GTF2E2: variants seen among roughly 807,000 people sequenced by gnomAD.
GTF2E2 encodes transcription initiation factor IIE subunit beta.
GTF2E2 carries 21 observed loss-of-function variants against 40.5 expected under a neutral mutation model. The observed-to-expected ratio is 0.52, with a 90% CI of 0.37 to 0.75. The LOEUF is 0.75. Among genes scored for constraint, GTF2E2 ranks in the 30% least tolerant of loss-of-function variants. The probability of loss-of-function intolerance (pLI) is 0.00; values close to 1 mark genes in which losing one functional copy is unlikely to be tolerated. For synonymous variants in GTF2E2, 117 were observed against 121.6 expected, an observed-to-expected ratio of 0.96 and a Z score of 0.25; for missense variants, 298 against 338.4, an observed-to-expected ratio of 0.88 and a Z score of 0.94.
chr8:30,600,879 A>T (rs1479296135), intron 6 of GTF2E2, among the ~76,000 whole-genome samples: 1 of 152,194 alleles, frequency 6.6e-6, no homozygotes, highest in Non-Finnish European at 1.5e-5. Flanking sequence ...TGTGTGCCTG[A>T]AGTGTGCGCA....
Position 30,647,306 on chromosome 8 carries a change from C to T in GTF2E2, c.166+6127G>A, listed in dbSNP as rs904735872. Among the ~76,000 whole-genome samples, 4 of 152,068 alleles carry T rather than the reference C, an allele frequency of 2.6e-5. No individual in the cohort carries two copies. In the South Asian group the frequency reaches 6.2e-4, roughly 24 times the overall value. On this transcript the variant is annotated intron_variant, in intron 2 of 7. Coordinates refer to ENST00000355904, the MANE Select transcript of GTF2E2 (RefSeq NM_002095.6). Reference sequence around the variant, plus strand: ...TTCAATTTAAAGAATATCGGCTGGGCGCGGTGGCTCACGCCTGCAATCCTA... The same window carrying T: ...TTCAATTTAAAGAATATCGGCTGGGTGCGGTGGCTCACGCCTGCAATCCTA...
chr8:30,607,181 G>C, intron 5 of GTF2E2, 31 bp from the exon 6 acceptor site: 1 of 810,212 alleles, frequency 1.2e-6, no homozygotes, highest in Non-Finnish European at 2.0e-6. Flanking sequence ...AGATTTTTCA[G>C]TTAACTCCAA....
chr8:30,619,365 T>C (rs1011885644), intron 3 of GTF2E2, among the ~76,000 whole-genome samples: 6 of 151,662 alleles, frequency 4.0e-5, no homozygotes, highest in Admixed American at 3.9e-4. Flanking sequence ...TTATAATCCA[T>C]TTTGATATAT....
At chr8:30,624,146 T>C (rs1354351371) in intron 3 of GTF2E2, among the ~76,000 whole-genome samples, 2 of 152,146 alleles carry the variant, frequency 1.3e-5, no homozygotes, top group African/African-American at 4.8e-5. Context: ...TGGTTTTTGG[T>C]CTAACATTTA....
intron 2 of GTF2E2, among the ~76,000 whole-genome samples, chr8:30,652,002 G>C (rs951024078): frequency 2.0e-5 from 3 of 152,064 alleles, no homozygotes; most frequent in Non-Finnish European, 2.9e-5. Flanking sequence ...ATGATGCTGG[G>C]ACAACTTCAT....
At chr8:30,653,356 T>C in intron 2 of GTF2E2, 77 bp downstream of exon 2, 1 of 1,082,318 alleles carries the variant, frequency 9.2e-7, no homozygotes, top group Non-Finnish European at 1.4e-6. Context: ...AACTGAAAAA[T>C]GAACTAGCCA....
chr8:30,647,629 A>G (rs1471159794), intron 2 of GTF2E2, among the ~76,000 whole-genome samples: 3 of 152,206 alleles, frequency 2.0e-5, no homozygotes, highest in African/African-American at 4.8e-5. Context: ...ACTCTTCCAC[A>G]AAGTATTTTT....
Position 30,580,405 on chromosome 8 carries a change from A to G in GTF2E2, c.644-9T>C, listed in dbSNP as rs1828484597. On this transcript the variant is annotated splice_polypyrimidine_tract_variant and intron_variant, in intron 6 of 7. Coordinates refer to ENST00000355904, the MANE Select transcript of GTF2E2 (RefSeq NM_002095.6). Reference sequence around the variant, plus strand: ...CCACAGTTTCTGAAATTCTGTATCAAACAGACACTAGTTATTTTACAATCC... The same window carrying G: ...CCACAGTTTCTGAAATTCTGTATCAGACAGACACTAGTTATTTTACAATCC... 7.5e-7 allele frequency: 1 copy of G among 1,325,840 alleles called. No homozygotes were observed. Among genetic ancestry groups the G allele is most frequent in the African/African-American group, 1.4e-5 (1 of 69,668 alleles). 82.1% of individuals were successfully genotyped at this position (1,325,840 alleles called of 1,614,324 possible). A position where few individuals can be genotyped will look rare whatever the true frequency, so the allele number is the denominator to read the frequency against.
intron 3 of GTF2E2, among the ~76,000 whole-genome samples, chr8:30,616,253 T>C (rs1393606533): frequency 6.6e-6 from 1 of 151,832 alleles, no homozygotes; most frequent in Non-Finnish European, 1.5e-5. Flanking sequence ...CTGGCCAACA[T>C]GGTGAAATCC....
intron 3 of GTF2E2, among the ~76,000 whole-genome samples, chr8:30,633,422 A>G (rs1801497710): frequency 6.6e-6 from 1 of 152,230 alleles, no homozygotes; most frequent in African/African-American, 2.4e-5. Context: ...TTATTGAAAT[A>G]CTACAATATG....
chr8:30,598,301 C>A (rs552328957), intron 6 of GTF2E2, among the ~76,000 whole-genome samples: 1 of 152,160 alleles, frequency 6.6e-6, no homozygotes, highest in East Asian at 1.9e-4. Flanking sequence ...TTACATACTG[C>A]GGACCTCTTA....
At chr8:30,601,029 A>G (rs1011272409) in intron 6 of GTF2E2, among the ~76,000 whole-genome samples, 2 of 152,244 alleles carry the variant, frequency 1.3e-5, no homozygotes, top group Non-Finnish European at 2.9e-5. Context: ...GGAAACACAC[A>G]TTCCTTATAT....
At chr8:30,640,255 A>G (rs969282530) in intron 2 of GTF2E2, among the ~76,000 whole-genome samples, 1 of 152,228 alleles carries the variant, frequency 6.6e-6, no homozygotes, top group African/African-American at 2.4e-5. Flanking sequence ...AAAGCACCTG[A>G]GAATTCAATT....
chr8:30,614,580 C>G, intron 4 of GTF2E2, 28 bp downstream of exon 4: 2 of 1,186,722 alleles, frequency 1.7e-6, no homozygotes, highest in Non-Finnish European at 2.5e-6. Context: ...TACAGGAAAT[C>G]TCTCTTGATA....
chr8:30,630,956 G>A (rs1193153384), intron 3 of GTF2E2, among the ~76,000 whole-genome samples: 1 of 151,978 alleles, frequency 6.6e-6, no homozygotes. Flanking sequence ...GCTCTTAGGG[G>A]ACAGTATGAT....
Position 30,612,327 on chromosome 8 carries a change from GCTT to G in GTF2E2, c.518_520del (p.Glu173del). 6.2e-7 allele frequency: 1 copy of G among 1,611,666 alleles called. No homozygotes were observed. Among genetic ancestry groups the G allele is most frequent in the Non-Finnish European group, 8.5e-7 (1 of 1,177,910 alleles). On this transcript the variant is annotated inframe_deletion, in exon 5 of 8. Coordinates refer to ENST00000355904, the MANE Select transcript of GTF2E2 (RefSeq NM_002095.6). ...GACAGCTTTCTGGGAATTGGGCAGTGCTTCTTCTATGTCTTCTAAAAGAATTCC... is the reference window on the plus strand; with the variant it reads ...GACAGCTTTCTGGGAATTGGGCAGTGCTTCTATGTCTTCTAAAAGAATTCC...
intron 6 of GTF2E2, among the ~76,000 whole-genome samples, chr8:30,595,917 T>C (rs1828990560): frequency 6.6e-6 from 1 of 152,188 alleles, no homozygotes; most frequent in Admixed American, 6.5e-5. Flanking sequence ...ATTTTTGCTG[T>C]GTACGGAATT....
intron 3 of GTF2E2, among the ~76,000 whole-genome samples, 174 bp downstream of exon 3, chr8:30,634,858 T>C (rs913646301): frequency 3.9e-5 from 6 of 152,182 alleles, no homozygotes; most frequent in African/African-American, 1.4e-4. Context: ...AATGCCAAAT[T>C]AATACAATGT....
intron 5 of GTF2E2, 93 bp downstream of exon 5, chr8:30,612,206 T>C (rs1329542581): frequency 4.6e-6 from 4 of 875,096 alleles, no homozygotes; most frequent in Non-Finnish European, 7.0e-6. Flanking sequence ...ATAGAAGCTT[T>C]AAAAACAATT....
Sources: allele counts gnomAD v4.1 joint callset (sites outside exome capture counted in the v4.1 genomes callset), GRCh38; gene constraint gnomAD v4.1.1; transcripts MANE v1.5; gene names NCBI Gene and HGNC (gene_info 2026-07-23, HGNC 2026-07-21).